RORA: variants seen among roughly 807,000 people sequenced by gnomAD.
RORA encodes nuclear receptor ROR-alpha.
Under a neutral mutation model 69.5 loss-of-function variants are expected in RORA, and 7 were observed. That is an observed-to-expected ratio of 0.10 (90% CI 0.06 to 0.19). The LOEUF (loss-of-function observed/expected upper bound fraction) is 0.19. RORA is among the 10% of genes least tolerant of loss of function. The pLI, the probability that RORA is intolerant of heterozygous loss-of-function variation, is 1.00. For synonymous variants in RORA, 261 were observed against 240.8 expected (o/e 1.08, Z -0.78); for missense variants, 457 against 663.0 (o/e 0.69, Z 3.41).
intron 3 of RORA, chr15:60,530,036 C>G (rs1332312604): frequency 6.6e-6 from 1 of 152,320 alleles, no homozygotes; most frequent in Admixed American, 6.5e-5. Flanking sequence ...ACAAAAAGCA[C>G]TGGAACTCCC....
intron 1 of RORA, among the ~76,000 whole-genome samples, chr15:61,141,165 A>G (rs1415635075): frequency 1.3e-5 from 2 of 152,228 alleles, no homozygotes; most frequent in African/African-American, 4.8e-5. Flanking sequence ...TTTCAGAGAT[A>G]TATTTATAGA....
chr15:61,135,146 TAAAAAAA>T (rs59644906), intron 1 of RORA, among the ~76,000 whole-genome samples: 5 of 56,582 alleles, frequency 8.8e-5, no homozygotes. Context: ...CATCTCTTAC[TAAAAAAA>T]AAAAAAAAAA....
chr15:60,912,467 C>T (rs111665890), intron 1 of RORA, among the ~76,000 whole-genome samples: 3,768 of 151,958 alleles, frequency 0.025, 139 homozygotes, highest in South Asian at 0.087. Context: ...AAAAAAATCA[C>T]CACCTCGCCG....
chr15:60,977,540 G>A (rs1665767194), intron 1 of RORA, among the ~76,000 whole-genome samples: 1 of 151,952 alleles, frequency 6.6e-6, no homozygotes, highest in African/African-American at 2.4e-5. Flanking sequence ...TCACAGTTGT[G>A]TATGACCATC....
chr15:60,548,266 T>G (rs1482981497), intron 2 of RORA, among the ~76,000 whole-genome samples: 2 of 152,160 alleles, frequency 1.3e-5, no homozygotes, highest in Non-Finnish European at 2.9e-5. Flanking sequence ...GTTTTGATGC[T>G]CTTCTGAAAT....
chr15:60,841,076 T>A (rs1214575920), intron 1 of RORA: 1 of 985,008 alleles, frequency 1.0e-6, no homozygotes, highest in Non-Finnish European at 1.2e-6. Context: ...TTACCAAATG[T>A]TGACTGACTC....
intron 1 of RORA, among the ~76,000 whole-genome samples, chr15:61,055,133 G>A (rs372555650): frequency 3.3e-5 from 5 of 152,094 alleles, no homozygotes; most frequent in Admixed American, 1.3e-4. Flanking sequence ...CACCGTGCCC[G>A]GCCTAAAACA....
chr15:60,612,678 TTTTTTTTCTC>T (rs946863620), intron 2 of RORA, among the ~76,000 whole-genome samples: 1 of 141,072 alleles, frequency 7.1e-6, no homozygotes, highest in African/African-American at 2.9e-5. Flanking sequence ...TTTTTTTTTT[TTTTTTTTCTC>T]TCTCTCTGTT....
intron 3 of RORA, among the ~76,000 whole-genome samples, chr15:60,524,781 G>C (rs1285330614): frequency 6.6e-6 from 1 of 152,222 alleles, no homozygotes; most frequent in African/African-American, 2.4e-5. Flanking sequence ...CTGAGCACCT[G>C]CTCCCTACTA....
At chr15:60,846,006 A>G (rs759854081) in intron 1 of RORA, among the ~76,000 whole-genome samples, 2 of 152,142 alleles carry the variant, frequency 1.3e-5, no homozygotes, top group Non-Finnish European at 2.9e-5. Flanking sequence ...CGGGCTCCCA[A>G]AGTGCTGGGA....
chr15:61,203,657 C>A (rs749870814), intron 1 of RORA, among the ~76,000 whole-genome samples: 1 of 152,100 alleles, frequency 6.6e-6, no homozygotes, highest in Non-Finnish European at 1.5e-5. Flanking sequence ...AAAGTGTCCA[C>A]GAACATTCTA....
chr15:60,986,930 A>C (rs3803485), intron 1 of RORA, among the ~76,000 whole-genome samples: 33,259 of 151,934 alleles, frequency 0.22, 3,818 homozygotes, highest in African/African-American at 0.28. Flanking sequence ...CGGGTGATTA[A>C]ATAAAGCACT....
chr15:60,898,880 T>C (rs546185715), intron 1 of RORA, among the ~76,000 whole-genome samples: 2 of 152,280 alleles, frequency 1.3e-5, no homozygotes, highest in South Asian at 2.1e-4. Flanking sequence ...AGGAAGCGGA[T>C]ATGAGGGCAC....
intron 1 of RORA, among the ~76,000 whole-genome samples, chr15:60,819,753 ACACACAC>A (rs2072864298): frequency 4.3e-5 from 2 of 46,268 alleles, no homozygotes; most frequent in Non-Finnish European, 1.5e-4. Flanking sequence ...CCAGACACAC[ACACACAC>A]ACACACACAC....
intron 1 of RORA, among the ~76,000 whole-genome samples, chr15:61,161,808 G>A (rs757158866): frequency 4.6e-5 from 7 of 151,980 alleles, no homozygotes; most frequent in East Asian, 1.9e-4. Context: ...TCTTCCCCCC[G>A]TGAAGGCCAC....
At chr15:60,942,714 T>C (rs577592061) in intron 1 of RORA, among the ~76,000 whole-genome samples, 9 of 152,380 alleles carry the variant, frequency 5.9e-5, no homozygotes, top group Non-Finnish European at 8.8e-5. Context: ...TTGATCTTCC[T>C]ATCCTCCTTC....
intron 1 of RORA, among the ~76,000 whole-genome samples, chr15:60,807,440 G>T (rs539037105): frequency 2.6e-5 from 4 of 152,270 alleles, no homozygotes; most frequent in Admixed American, 1.3e-4. Flanking sequence ...ACAAACAAAT[G>T]AAAACATATC....
chr15:61,151,039 G>A (rs2079393612), intron 1 of RORA, among the ~76,000 whole-genome samples: 1 of 152,204 alleles, frequency 6.6e-6, no homozygotes, highest in South Asian at 2.1e-4. Flanking sequence ...CAAGTAAGTT[G>A]CACACATGCT....
At chr15:60,889,759 C>T (rs777692433) in intron 1 of RORA, among the ~76,000 whole-genome samples, 1 of 152,234 alleles carries the variant, frequency 6.6e-6, no homozygotes, top group Non-Finnish European at 1.5e-5. Flanking sequence ...TCCACCTCCT[C>T]CCCTTCACCT....
Sources: gnomAD v4.1 joint callset for allele counts (sites outside exome capture counted in the v4.1 genomes callset) on GRCh38, gnomAD v4.1.1 for gene constraint, MANE v1.5 for transcripts, NCBI Gene and HGNC (gene_info 2026-07-23, HGNC 2026-07-21) for gene names.